The following KCTD8 variants were observed in gnomAD, a reference collection of about 807,000 sequenced individuals.
The protein encoded by KCTD8 is BTB/POZ domain-containing protein KCTD8.
In KCTD8, 27 loss-of-function variants were observed where a neutral mutation model predicts 31.5. The observed-to-expected ratio is 0.86, with a 90% CI of 0.63 to 1.18. The LOEUF is 1.18. Among genes scored for constraint, KCTD8 ranks in the 50% most tolerant of loss-of-function variants. The probability of loss-of-function intolerance (pLI) is 0.00; values close to 1 mark genes in which losing one functional copy is unlikely to be tolerated. For missense variants in KCTD8, 658 were observed against 647.7 expected (o/e 1.02, Z -0.17); for synonymous variants, 290 against 280.0 (o/e 1.04, Z -0.36).
chr4:44,423,048 G>A (rs1317635242), intron 1 of KCTD8, among the ~76,000 whole-genome samples: 3 of 151,988 alleles, frequency 2.0e-5, no homozygotes, highest in Non-Finnish European at 4.4e-5. Context: ...CTCAACCAGG[G>A]CAGTTTACCC....
chr4:44,174,941 T>C lies in KCTD8; in HGVS notation c.1271A>G (p.Asn424Ser), dbSNP rs1292352951. The change falls in exon 2 of 2, where the codon AAT becomes AGT. Residue 424 changes from asparagine (N) to serine (S), a missense_variant. Coordinates refer to ENST00000360029, the MANE Select transcript of KCTD8 (RefSeq NM_198353.3). ...QTLISKSRET[N>S]LSKKKVCEKL... Reference sequence around the variant, plus strand: ...CTCACAGACTTTCTTTTTGGACAGATTTGTTTCCCGGGACTTGCTGATGAG... The same window carrying C: ...CTCACAGACTTTCTTTTTGGACAGACTTGTTTCCCGGGACTTGCTGATGAG... 9 of 1,614,040 alleles carry C rather than the reference T, an allele frequency of 5.6e-6. No homozygotes were observed. The highest frequency in any genetic ancestry group is 1.1e-5 in the South Asian group (1 of 91,082).
In KCTD8 at chr4:44,175,252, T is replaced by C; in HGVS notation, c.962-2A>G. 1 of 1,500,452 alleles carries C rather than the reference T, an allele frequency of 6.7e-7. No homozygotes were observed. The allele number at this position is 1,500,452 out of a possible 1,614,324, so 92.9% of individuals were successfully genotyped here. A position where few individuals can be genotyped will look rare whatever the true frequency, so the allele number is the denominator to read the frequency against. On this transcript the variant is annotated splice_acceptor_variant, in intron 1 of 1. Coordinates refer to ENST00000360029, the MANE Select transcript of KCTD8 (RefSeq NM_198353.3). LOFTEE classifies it high-confidence loss of function. ...GTGATACTATTTTCTGAGGTGGTCC[T>C]AAAAAGGAGGAAAAAAAAAGAAGAA...
chr4:44,410,595 C>T (rs1324661506), intron 1 of KCTD8, among the ~76,000 whole-genome samples: 3 of 152,076 alleles, frequency 2.0e-5, no homozygotes, highest in Non-Finnish European at 4.4e-5. Flanking sequence ...AAGACAGAGG[C>T]TTAACTGGAC....
intron 1 of KCTD8, among the ~76,000 whole-genome samples, chr4:44,210,095 C>T (rs1306629053): frequency 6.6e-6 from 1 of 152,126 alleles, no homozygotes; most frequent in African/African-American, 2.4e-5. Context: ...TGTTTGAATG[C>T]CCAACATATA....
At chr4:44,191,074 G>A (rs1389627325) in intron 1 of KCTD8, among the ~76,000 whole-genome samples, 1 of 152,146 alleles carries the variant, frequency 6.6e-6, no homozygotes, top group African/African-American at 2.4e-5. Flanking sequence ...AACAAAAATT[G>A]TGAAGATTTC....
chr4:44,361,499 C>G (rs1162102584), intron 1 of KCTD8, among the ~76,000 whole-genome samples: 3 of 151,998 alleles, frequency 2.0e-5, no homozygotes, highest in Non-Finnish European at 2.9e-5. Flanking sequence ...CTTTCCTGAA[C>G]AGGACTAGAT....
chr4:44,232,536 T>A (rs879592945), intron 1 of KCTD8, among the ~76,000 whole-genome samples: 20 of 152,112 alleles, frequency 1.3e-4, no homozygotes, highest in Non-Finnish European at 2.4e-4. Context: ...CTGCATAGCC[T>A]AAAGAATGAT....
At chr4:44,249,333 CA>C (rs1479572732) in intron 1 of KCTD8, among the ~76,000 whole-genome samples, 1 of 151,694 alleles carries the variant, frequency 6.6e-6, no homozygotes, top group East Asian at 1.9e-4. Context: ...TAAAATCACT[CA>C]AAAAATCAAT....
At chr4:44,233,100 T>C (rs949007735) in intron 1 of KCTD8, among the ~76,000 whole-genome samples, 2 of 152,104 alleles carry the variant, frequency 1.3e-5, no homozygotes, top group Non-Finnish European at 2.9e-5. Flanking sequence ...TCTTTTTAAA[T>C]TTTTTGTTTT....
At chr4:44,221,561 C>T (rs909848021) in intron 1 of KCTD8, among the ~76,000 whole-genome samples, 5 of 152,250 alleles carry the variant, frequency 3.3e-5, no homozygotes, top group Admixed American at 3.3e-4. Context: ...CCAAAACCCT[C>T]AAAAGTAGGG....
intron 1 of KCTD8, among the ~76,000 whole-genome samples, chr4:44,314,560 TCTGCCTGACACAATC>T (rs1718053274): frequency 6.6e-6 from 1 of 152,146 alleles, no homozygotes; most frequent in African/African-American, 2.4e-5. Flanking sequence ...TAATGTTTCC[TCTGCCTGACACAATC>T]TAAATCACAA....
intron 1 of KCTD8, among the ~76,000 whole-genome samples, chr4:44,436,221 G>A (rs1056504774): frequency 6.6e-6 from 1 of 152,026 alleles, no homozygotes; most frequent in African/African-American, 2.4e-5. Flanking sequence ...TATAGTCATG[G>A]TCGAGTCAAT....
At chr4:44,197,605 C>T (rs1713987734) in intron 1 of KCTD8, among the ~76,000 whole-genome samples, 1 of 152,190 alleles carries the variant, frequency 6.6e-6, no homozygotes, top group African/African-American at 2.4e-5. Flanking sequence ...AAAATTAGGC[C>T]ACAAATAAAG....
At chr4:44,362,628 C>T (rs2109431208) in intron 1 of KCTD8, among the ~76,000 whole-genome samples, 1 of 151,956 alleles carries the variant, frequency 6.6e-6, no homozygotes, top group Admixed American at 6.6e-5. Context: ...GAAATAGAAA[C>T]CAGGGGTAAT....
chr4:44,388,727 G>C (rs1222046620), intron 1 of KCTD8, among the ~76,000 whole-genome samples: 2 of 151,670 alleles, frequency 1.3e-5, no homozygotes, highest in Non-Finnish European at 1.5e-5. Context: ...AGGAGGAAGA[G>C]GATCAGGAAA....
rs1721074765 is a variant in KCTD8 at position 44,416,151 on chromosome 4, T to C, written c.961+31412A>G. 4.6e-5 allele frequency among the ~76,000 whole-genome samples: 7 copies of C among 152,364 alleles called. No individual in the cohort carries two copies. In the South Asian group the frequency reaches 1.5e-3, roughly 32 times the overall value. ...ATTTTCGAGCTATAAGATTTAATGA[T>C]GCCCTGCTAGATTTCAGATTTTTAT... On this transcript the variant is annotated intron_variant, in intron 1 of 1. Transcript: ENST00000360029.
At chr4:44,442,786 C>CACACACACACACAA in intron 1 of KCTD8, among the ~76,000 whole-genome samples, 1 of 151,890 alleles carries the variant, frequency 6.6e-6, no homozygotes, top group African/African-American at 2.4e-5. Flanking sequence ...CACACACACA[C>CACACACACACACAA]ACACACACAC....
rs752341720 is a variant in KCTD8, at chr4:44,235,525, TTATATATATA to T, written c.962-60285_962-60276del. Among the ~76,000 whole-genome samples the T allele has an allele frequency of 9.0e-3, 498 of 55,030 alleles. 2 individuals are homozygous for T. The highest frequency in any genetic ancestry group is 0.02 in the South Asian group (19 of 934). 36.1% of individuals were successfully genotyped at this position (55,030 alleles called of 152,430 possible). ...TGTATACAGAAAGAGAGACACTGGA[TTATATATATA>T]TATATATATATATATATATATATAT... On this transcript the variant is annotated intron_variant, in intron 1 of 1. Coordinates refer to ENST00000360029, the MANE Select transcript of KCTD8 (RefSeq NM_198353.3).
intron 1 of KCTD8, among the ~76,000 whole-genome samples, chr4:44,317,460 C>T (rs377028645): frequency 5.7e-5 from 8 of 139,934 alleles, no homozygotes; most frequent in African/African-American, 2.6e-4. Context: ...AGGATGGTCT[C>T]GATCTCCTGA....
Sources: gnomAD v4.1 joint callset for allele counts (sites outside exome capture counted in the v4.1 genomes callset) on GRCh38, gnomAD v4.1.1 for gene constraint, MANE v1.5 for transcripts, NCBI Gene and HGNC (gene_info 2026-07-23, HGNC 2026-07-21) for gene names.